The following GALNTL6 variants were observed in gnomAD, a reference collection of about 807,000 sequenced individuals.
GALNTL6 encodes the protein polypeptide N-acetylgalactosaminyltransferase-like 6.
Under a neutral mutation model 73.7 loss-of-function variants are expected in GALNTL6, and 46 were observed. The ratio of observed to expected loss-of-function variants is 0.62; its 90% CI spans 0.49 to 0.80. GALNTL6 has a LOEUF of 0.80. GALNTL6 is among the 30% of genes least tolerant of loss of function. The pLI is 0.00. For missense variants in GALNTL6, 604 were observed against 755.0 expected (o/e 0.80, Z 2.34); for synonymous variants, 259 against 263.7 (o/e 0.98, Z 0.17).
chr4:171,843,599 T>G (rs1160208224), intron 2 of GALNTL6, among the ~76,000 whole-genome samples: 1 of 152,174 alleles, frequency 6.6e-6, no homozygotes, highest in East Asian at 1.9e-4. Flanking sequence ...ACTTTGCATT[T>G]ACTTTGGTAT....
At chr4:172,752,746 C>G (rs1047398030) in intron 5 of GALNTL6, among the ~76,000 whole-genome samples, 8 of 151,946 alleles carry the variant, frequency 5.3e-5, no homozygotes, top group Non-Finnish European at 8.8e-5. Context: ...CTTTTGATTA[C>G]TTTTTATTAT....
chr4:172,246,263 T>C (rs1737653201), intron 3 of GALNTL6, among the ~76,000 whole-genome samples: 1 of 152,152 alleles, frequency 6.6e-6, no homozygotes, highest in Non-Finnish European at 1.5e-5. Flanking sequence ...AATTTTATTA[T>C]TGGACTAGAA....
intron 2 of GALNTL6, among the ~76,000 whole-genome samples, chr4:172,209,723 A>G (rs1185244836): frequency 6.6e-6 from 1 of 152,070 alleles, no homozygotes; most frequent in East Asian, 1.9e-4. Flanking sequence ...ATTTACTCAC[A>G]GGTTTAATAA....
intron 4 of GALNTL6, among the ~76,000 whole-genome samples, chr4:172,326,625 G>A (rs780223401): frequency 2.3e-4 from 35 of 151,990 alleles, no homozygotes; most frequent in Middle Eastern, 3.4e-3. Context: ...AGGAGGTGGC[G>A]ATCTGGCAAT....
intron 7 of GALNTL6, among the ~76,000 whole-genome samples, chr4:172,842,848 A>G (rs1470332296): frequency 6.6e-6 from 1 of 152,022 alleles, no homozygotes; most frequent in Non-Finnish European, 1.5e-5. Flanking sequence ...ACCCCTGAAC[A>G]GTTTTACTAT....
intron 2 of GALNTL6, among the ~76,000 whole-genome samples, chr4:171,983,937 T>C (rs1337080236): frequency 2.0e-5 from 3 of 152,104 alleles, no homozygotes; most frequent in Non-Finnish European, 4.4e-5. Context: ...TTGCACCCCT[T>C]CCCCTAGTGT....
Position 171,944,386 on chromosome 4 carries a change from C to A in GALNTL6, c.138+129668C>A, listed in dbSNP as rs534645952. 9.9e-5 allele frequency among the ~76,000 whole-genome samples: 15 copies of A among 152,092 alleles called. No individual in the cohort carries two copies. The South Asian group carries it at 3.1e-3, about 32-fold the overall frequency. ...GAAGACTAAGTGATCTACGCCACAG[C>A]TTCAAAATTAAAAAGACTTGAATGA... On this transcript the variant is annotated intron_variant, in intron 2 of 12. Coordinates refer to ENST00000506823, the MANE Select transcript of GALNTL6 (RefSeq NM_001034845.3).
chr4:172,869,826 G>T (rs1257272584), intron 7 of GALNTL6, among the ~76,000 whole-genome samples: 1 of 152,078 alleles, frequency 6.6e-6, no homozygotes, highest in Admixed American at 6.6e-5. Context: ...TAGAAATGGA[G>T]CAATCAACCC....
intron 5 of GALNTL6, among the ~76,000 whole-genome samples, chr4:172,745,890 T>C (rs917727216): frequency 2.0e-5 from 3 of 152,106 alleles, no homozygotes; most frequent in Non-Finnish European, 4.4e-5. Context: ...TCATCCACAG[T>C]CAATGTGAGC....
intron 2 of GALNTL6, among the ~76,000 whole-genome samples, chr4:172,058,791 A>G (rs1731107695): frequency 6.6e-6 from 1 of 152,100 alleles, no homozygotes; most frequent in Admixed American, 6.6e-5. Flanking sequence ...TTCTTCTCAG[A>G]TTTCCAGAAC....
intron 5 of GALNTL6, among the ~76,000 whole-genome samples, chr4:172,392,449 G>C (rs916716171): frequency 7.4e-6 from 1 of 135,936 alleles, no homozygotes; most frequent in Non-Finnish European, 1.6e-5. Context: ...AGCATTTAAA[G>C]TATTTCTTAT....
chr4:172,139,020 G>C (rs1354561453), intron 2 of GALNTL6, among the ~76,000 whole-genome samples: 2 of 151,932 alleles, frequency 1.3e-5, no homozygotes, highest in Non-Finnish European at 2.9e-5. Context: ...TAGATCAATC[G>C]ATCAGCAATG....
intron 2 of GALNTL6, among the ~76,000 whole-genome samples, chr4:172,129,499 C>A (rs1733396754): frequency 6.6e-6 from 1 of 152,098 alleles, no homozygotes; most frequent in East Asian, 1.9e-4. Flanking sequence ...ATCATGCCCA[C>A]CATTTAAAAT....
intron 5 of GALNTL6, among the ~76,000 whole-genome samples, chr4:172,719,361 A>G (rs1460070727): frequency 6.6e-6 from 1 of 152,190 alleles, no homozygotes; most frequent in African/African-American, 2.4e-5. Flanking sequence ...ACCAATTATA[A>G]TACTCCTTTA....
intron 8 of GALNTL6, among the ~76,000 whole-genome samples, chr4:172,900,935 T>C (rs1204229609): frequency 6.6e-6 from 1 of 152,202 alleles, no homozygotes; most frequent in Non-Finnish European, 1.5e-5. Flanking sequence ...CTTGCATCTC[T>C]CACTTCTCTG....
chr4:172,672,045 C>G (rs1301148572), intron 5 of GALNTL6, among the ~76,000 whole-genome samples: 1 of 152,100 alleles, frequency 6.6e-6, no homozygotes, highest in Non-Finnish European at 1.5e-5. Flanking sequence ...CATGCACCAC[C>G]AGGCCTGGCT....
chr4:171,840,299 G>C (rs1240867333), intron 2 of GALNTL6, among the ~76,000 whole-genome samples: 2 of 152,194 alleles, frequency 1.3e-5, no homozygotes, highest in East Asian at 3.9e-4. Flanking sequence ...TTGAAAAGCA[G>C]TGTGTCTTAG....
intron 4 of GALNTL6, among the ~76,000 whole-genome samples, chr4:172,330,347 A>G (rs1741083525): frequency 6.6e-6 from 1 of 152,078 alleles, no homozygotes; most frequent in Non-Finnish European, 1.5e-5. Flanking sequence ...TCCACTGGGG[A>G]GGTGTGGGTC....
At chr4:172,995,163 G>A (rs1751720616) in intron 10 of GALNTL6, among the ~76,000 whole-genome samples, 2 of 152,160 alleles carry the variant, frequency 1.3e-5, no homozygotes, top group Non-Finnish European at 2.9e-5. Flanking sequence ...CCAACCATTG[G>A]GAGAAGTGTT....
Sources: gnomAD v4.1 joint callset for allele counts (sites outside exome capture counted in the v4.1 genomes callset) on GRCh38, gnomAD v4.1.1 for gene constraint, MANE v1.5 for transcripts, NCBI Gene and HGNC (gene_info 2026-07-23, HGNC 2026-07-21) for gene names.